The following CNDP1 variants were observed in gnomAD, a reference collection of about 807,000 sequenced individuals.
The protein encoded by CNDP1 is carnosine dipeptidase 1, also known as beta-Ala-His dipeptidase.
A neutral mutation model predicts 58.1 loss-of-function variants in CNDP1; 44 were observed. That is an observed-to-expected ratio of 0.76 (90% CI 0.60 to 0.97). The LOEUF is 0.97. Among genes scored for constraint, CNDP1 ranks in the 50% least tolerant of loss-of-function variants. The pLI, the probability that CNDP1 is intolerant of heterozygous loss-of-function variation, is 0.00. For missense variants in CNDP1, 616 were observed against 655.1 expected (o/e 0.94, Z 0.65); for synonymous variants, 254 against 252.6 (o/e 1.01, Z -0.05).
intron 1 of CNDP1, among the ~76,000 whole-genome samples, chr18:74,551,391 CACAA>C (rs1268158081): frequency 1.5e-4 from 21 of 139,370 alleles, no homozygotes; most frequent in African/African-American, 5.0e-4. Flanking sequence ...CACACACACA[CACAA>C]ACAAAAACAG....
At chr18:74,570,200 A>AAAC (rs1981438582) in intron 6 of CNDP1, among the ~76,000 whole-genome samples, 3 of 70,138 alleles carry the variant, frequency 4.3e-5, no homozygotes, top group African/African-American at 2.5e-4. Flanking sequence ...CTCTGTCTCA[A>AAAC]AATAATAATA....
At chr18:74,555,781 C>T (rs1245888678) in intron 1 of CNDP1, among the ~76,000 whole-genome samples, 1 of 152,152 alleles carries the variant, frequency 6.6e-6, no homozygotes, top group Non-Finnish European at 1.5e-5. Flanking sequence ...CCCACCTCGA[C>T]CTCCCAAAGT....
chr18:74,577,537 C>T (rs1380991560), intron 8 of CNDP1: 1 of 152,666 alleles, frequency 6.6e-6, no homozygotes, highest in African/African-American at 2.4e-5. Context: ...TTGCTTTTCT[C>T]TTCTTCCTCT....
intron 2 of CNDP1, among the ~76,000 whole-genome samples, 172 bp downstream of exon 2, chr18:74,556,638 C>T (rs541400555): frequency 1.3e-5 from 2 of 152,302 alleles, no homozygotes; most frequent in East Asian, 1.9e-4. Flanking sequence ...GACAGATGGA[C>T]GAGATCCCTC....
At chr18:74,558,458 G>A (rs1223621133) in intron 2 of CNDP1, among the ~76,000 whole-genome samples, 1 of 144,408 alleles carries the variant, frequency 6.9e-6, no homozygotes, top group Non-Finnish European at 1.5e-5. Flanking sequence ...GCAGTGGCAC[G>A]ATCTTGGCAC....
Position 74,556,365 on chromosome 18 carries a change from C to T in CNDP1, c.52C>T (p.Leu18=), listed in dbSNP as rs758334445. 1.9e-6 allele frequency: 3 copies of T among 1,613,930 alleles called. No individual in the cohort carries two copies. The highest frequency in any genetic ancestry group is 2.5e-6 in the Non-Finnish European group (3 of 1,179,992). Residue 18 remains leucine (L), a synonymous_variant, in exon 2 of 12, where the codon CTG becomes TTG. Transcript: ENST00000358821. ...MAASLLAVLL[L]LLERGMFSSP... ...TGCGTCCCTGCTGGCTGTGCTGCTG[C>T]TGCTGCTGGAGCGCGGCATGTTCTC...
Position 74,576,917 on chromosome 18 carries a change from A to T in CNDP1, c.890A>T (p.Asp297Val). ...SGHILVPGIY[D>V]EVVPLTEEEI... is the part of the protein sequence containing the mutation. ...CATATCCTGGTCCCTGGAATCTATGATGAAGTGGTTCCTCTTACAGAAGAG... is the reference window on the plus strand; with the variant it reads ...CATATCCTGGTCCCTGGAATCTATGTTGAAGTGGTTCCTCTTACAGAAGAG... The change falls in exon 8 of 12, where the codon GAT becomes GTT. Residue 297 changes from aspartate (D) to valine (V), a missense_variant. Coordinates refer to ENST00000358821, the MANE Select transcript of CNDP1 (RefSeq NM_032649.6). 3 of 1,613,474 alleles carry T rather than the reference A, an allele frequency of 1.9e-6. No homozygotes were observed. Among genetic ancestry groups the T allele is most frequent in the Non-Finnish European group, 2.5e-6 (3 of 1,179,734 alleles).
At position 74,543,916 on chromosome 18, in the gene CNDP1, C is replaced by T. The variant is rs144013101; in HGVS notation, c.24+9225C>T. ...CCTGGGCAACATAGTGGGTCCCCATCTCTAAAAAAAATTTAAAAATCAGTC... is the reference window on the plus strand; with the variant it reads ...CCTGGGCAACATAGTGGGTCCCCATTTCTAAAAAAAATTTAAAAATCAGTC... On this transcript the variant is annotated intron_variant, in intron 1 of 11. Coordinates refer to ENST00000358821, the MANE Select transcript of CNDP1 (RefSeq NM_032649.6). Among the ~76,000 whole-genome samples the T allele has an allele frequency of 6.8e-3, 1,036 of 152,230 alleles. 9 individuals are homozygous for T. The highest frequency in any genetic ancestry group is 0.014 in the Middle Eastern group (4 of 294).
chr18:74,555,655 G>GA (rs1465571537), intron 1 of CNDP1, among the ~76,000 whole-genome samples: 9 of 152,154 alleles, frequency 5.9e-5, no homozygotes, highest in Admixed American at 5.9e-4. Flanking sequence ...GGGAGACTGA[G>GA]AAGGGGTCAG....
At chr18:74,567,746 C>T (rs1981368153) in intron 6 of CNDP1, among the ~76,000 whole-genome samples, 1 of 152,192 alleles carries the variant, frequency 6.6e-6, no homozygotes, top group Non-Finnish European at 1.5e-5. Context: ...ATGGCAGCCA[C>T]AGGGAGGTAA....
intron 1 of CNDP1, among the ~76,000 whole-genome samples, chr18:74,540,040 T>C (rs1980578037): frequency 6.6e-6 from 1 of 152,044 alleles, no homozygotes; most frequent in Non-Finnish European, 1.5e-5. Context: ...TCAACAAATA[T>C]ACAACCTACA....
intron 1 of CNDP1, among the ~76,000 whole-genome samples, chr18:74,539,787 G>A (rs1980572625): frequency 6.6e-6 from 1 of 152,234 alleles, no homozygotes; most frequent in Non-Finnish European, 1.5e-5. Flanking sequence ...ATAGACAGAA[G>A]AGGATAGTGA....
Position 74,559,365 on chromosome 18 carries a change from C to A in CNDP1, c.196C>A (p.Pro66Thr), listed in dbSNP as rs1568295560. 1.2e-6 allele frequency: 2 copies of A among 1,614,076 alleles called. No individual in the cohort carries two copies. The highest frequency in any genetic ancestry group is 2.2e-5 in the East Asian group (1 of 44,876). ...GGCCATCGAGAGCGACTCTGTCCAG[C>A]CTGTGCCTCGCTTCAGACAAGAGCT... ...WVAIESDSVQ[P>T]VPRFRQELFR... Residue 66 changes from proline (P) to threonine (T), a missense_variant, in exon 3 of 12, where the codon CCT (proline) becomes ACT (threonine). Pro to Thr is a conservative substitution (Grantham distance 38, BLOSUM62 -1). Coordinates refer to ENST00000358821, the MANE Select transcript of CNDP1 (RefSeq NM_032649.6).
chr18:74,558,186 C>T (rs917505469), intron 2 of CNDP1, among the ~76,000 whole-genome samples: 9 of 152,178 alleles, frequency 5.9e-5, no homozygotes, highest in African/African-American at 1.9e-4. Flanking sequence ...AGTCCAAGAT[C>T]AGTAAATCTG....
At chr18:74,542,792 C>T (rs1374155522) in intron 1 of CNDP1, among the ~76,000 whole-genome samples, 1 of 152,200 alleles carries the variant, frequency 6.6e-6, no homozygotes, top group Non-Finnish European at 1.5e-5. Context: ...CCTTGGCTTC[C>T]CAAAATGCTG....
chr18:74,562,784 C>T (rs1387519731), intron 5 of CNDP1, among the ~76,000 whole-genome samples: 1 of 152,232 alleles, frequency 6.6e-6, no homozygotes, highest in African/African-American at 2.4e-5. Flanking sequence ...ACCTTTAACT[C>T]TCTCGTGTTT....
chr18:74,539,805 TGTGCCTATCAGCCA>T (rs1291122443), intron 1 of CNDP1, among the ~76,000 whole-genome samples: 2 of 152,252 alleles, frequency 1.3e-5, no homozygotes, highest in Non-Finnish European at 2.9e-5. Context: ...TGAGTCCCCA[TGTGCCTATCAGCCA>T]GTTCCAACAA....
At chr18:74,558,683 C>T (rs529080175) in intron 2 of CNDP1, among the ~76,000 whole-genome samples, 22 of 152,176 alleles carry the variant, frequency 1.4e-4, no homozygotes, top group African/African-American at 4.8e-4. Context: ...TGTGAGCCAC[C>T]GCACCCGGCT....
intron 1 of CNDP1, among the ~76,000 whole-genome samples, chr18:74,546,039 A>G (rs1285309519): frequency 1.3e-5 from 2 of 152,150 alleles, no homozygotes; most frequent in East Asian, 1.9e-4. Context: ...GTATACTTCA[A>G]TGTATCGATT....
Sources: allele counts gnomAD v4.1 joint callset (sites outside exome capture counted in the v4.1 genomes callset), GRCh38; gene constraint gnomAD v4.1.1; transcripts MANE v1.5; gene names NCBI Gene and HGNC (gene_info 2026-07-23, HGNC 2026-07-21).